ZNF475: variants seen among roughly 807,000 people sequenced by gnomAD.
The protein encoded by ZNF475 is zinc finger protein 475.
At chr5:122,182,572 G>C in the ZNF475 span, 7 of 1,535,518 alleles carry the variant, frequency 4.6e-6, no homozygotes, top group Non-Finnish European at 6.1e-6. Context: ...TGTAATGTTT[G>C]TGGGCGTACC....
At chr5:122,167,482 C>A in the ZNF475 span, among the ~76,000 whole-genome samples, 1 of 152,164 alleles carries the variant, frequency 6.6e-6, no homozygotes. Context: ...GAATAGAGAT[C>A]ATTTGAAATA....
the ZNF475 span, among the ~76,000 whole-genome samples, chr5:122,175,015 T>A: frequency 1.3e-5 from 2 of 152,182 alleles, no homozygotes; most frequent in African/African-American, 4.8e-5. Context: ...GAACCTACCA[T>A]ATGGCTAAGA....
the ZNF475 span, among the ~76,000 whole-genome samples, chr5:122,168,937 A>G: frequency 1.3e-5 from 2 of 152,162 alleles, no homozygotes; most frequent in African/African-American, 2.4e-5. Context: ...CTGTTCTGAC[A>G]GGAGGATGAA....
the ZNF475 span, among the ~76,000 whole-genome samples, chr5:122,166,223 G>A: frequency 5.3e-5 from 8 of 152,156 alleles, no homozygotes; most frequent in African/African-American, 1.9e-4. Context: ...AAAATCAACT[G>A]TAGATGAGGA....
At chr5:122,160,364 G>A in the ZNF475 span, 1 of 981,712 alleles carries the variant, frequency 1.0e-6, no homozygotes, top group South Asian at 1.4e-5. Context: ...TGTCGAAGGT[G>A]GGGAAAGTTA....
At chr5:122,182,604 G>T in the ZNF475 span, 4 of 1,535,338 alleles carry the variant, frequency 2.6e-6, no homozygotes, top group Non-Finnish European at 3.5e-6. Context: ...CAGACTGATT[G>T]TTCACCAACG....
chr5:122,182,588 G>T, the ZNF475 span: 2 of 1,535,508 alleles, frequency 1.3e-6, no homozygotes, highest in Non-Finnish European at 1.7e-6. Flanking sequence ...GTACCTTCCT[G>T]CCAGACAGAC....
the ZNF475 span, among the ~76,000 whole-genome samples, chr5:122,181,943 T>A: frequency 6.6e-6 from 1 of 152,220 alleles, no homozygotes; most frequent in African/African-American, 2.4e-5. Context: ...AAAGAATATC[T>A]GAGTTTATGA....
chr5:122,173,665 T>A, the ZNF475 span, among the ~76,000 whole-genome samples: 1 of 152,168 alleles, frequency 6.6e-6, no homozygotes, highest in Non-Finnish European at 1.5e-5. Context: ...AGCAAAATAA[T>A]TGAAAACATA....
the ZNF475 span, chr5:122,182,561 C>A: frequency 6.5e-7 from 1 of 1,535,506 alleles, no homozygotes; most frequent in South Asian, 1.2e-5. Context: ...AGTTGGTTCC[C>A]TGTAATGTTT....
At chr5:122,163,316 G>A in the ZNF475 span, 1 of 152,222 alleles carries the variant, frequency 6.6e-6, no homozygotes, top group African/African-American at 2.4e-5. Context: ...AAAGTGTTTA[G>A]TACAGGGCCT....
At chr5:122,168,067 C>T in the ZNF475 span, among the ~76,000 whole-genome samples, 13 of 152,256 alleles carry the variant, frequency 8.5e-5, no homozygotes, top group East Asian at 1.2e-3. Context: ...TTTTTTGAGA[C>T]GGAGTCTCAG....
At chr5:122,169,793 C>T in the ZNF475 span, among the ~76,000 whole-genome samples, 3 of 152,168 alleles carry the variant, frequency 2.0e-5, no homozygotes, top group Non-Finnish European at 4.4e-5. Flanking sequence ...ATCCTTTTGA[C>T]CACCACTTTT....
At chr5:122,178,085 T>A in the ZNF475 span, among the ~76,000 whole-genome samples, 1 of 152,188 alleles carries the variant, frequency 6.6e-6, no homozygotes, top group African/African-American at 2.4e-5. Context: ...CATCCTTTTT[T>A]AAGGTTGCAC....
the ZNF475 span, among the ~76,000 whole-genome samples, chr5:122,178,658 G>A: frequency 8.7e-4 from 132 of 152,164 alleles, no homozygotes; most frequent in African/African-American, 2.9e-3. Flanking sequence ...TGAGTAGGTT[G>A]AGAAAATTTT....
chr5:122,161,996 T>A, the ZNF475 span, among the ~76,000 whole-genome samples: 2 of 151,872 alleles, frequency 1.3e-5, no homozygotes, highest in Non-Finnish European at 2.9e-5. Flanking sequence ...AAAAAAAACC[T>A]TCAGCTAGGA....
At chr5:122,181,433 A>G in the ZNF475 span, among the ~76,000 whole-genome samples, 1 of 152,198 alleles carries the variant, frequency 6.6e-6, no homozygotes, top group Non-Finnish European at 1.5e-5. Context: ...AAGCACTGAA[A>G]CTACACATTC....
the ZNF475 span, among the ~76,000 whole-genome samples, chr5:122,169,748 C>G: frequency 3.3e-5 from 5 of 152,142 alleles, no homozygotes; most frequent in African/African-American, 1.2e-4. Flanking sequence ...AATACAGGAT[C>G]CAAAGGATGG....
chr5:122,165,742 G>A, the ZNF475 span, among the ~76,000 whole-genome samples: 13 of 147,982 alleles, frequency 8.8e-5, no homozygotes, highest in Non-Finnish European at 1.6e-4. Flanking sequence ...TAGGTTTGAT[G>A]TACGGATGAT....
Sources: allele counts gnomAD v4.1 joint callset (sites outside exome capture counted in the v4.1 genomes callset), GRCh38; gene constraint gnomAD v4.1.1; transcripts MANE v1.5; gene names NCBI Gene and HGNC (gene_info 2026-07-23, HGNC 2026-07-21).